Variants in LRP1B observed in about 807,000 individuals in gnomAD.
LRP1B encodes low-density lipoprotein receptor-related protein 1B.
In LRP1B, 217 loss-of-function variants were observed where a neutral mutation model predicts 556.6. The ratio of observed to expected loss-of-function variants is 0.39; its 90% CI spans 0.35 to 0.44. The LOEUF is 0.44. Ranked by LOEUF, LRP1B falls within the 20% of genes least tolerant of loss-of-function variation. LRP1B has a pLI of 1.00. For missense variants in LRP1B, 5,053 were observed against 5,620.8 expected (o/e 0.90, Z 3.23); for synonymous variants, 2,047 against 1,865.8 (o/e 1.10, Z -2.50).
chr2:141,823,465 A>G (rs1368281928), intron 1 of LRP1B, among the ~76,000 whole-genome samples: 1 of 152,138 alleles, frequency 6.6e-6, no homozygotes, highest in Non-Finnish European at 1.5e-5. Context: ...TATACTAACA[A>G]TCAGAAGTAA....
chr2:140,796,689 T>TG (rs1690327594), intron 32 of LRP1B, among the ~76,000 whole-genome samples: 1 of 152,122 alleles, frequency 6.6e-6, no homozygotes, highest in Non-Finnish European at 1.5e-5. Flanking sequence ...GTGACATTGC[T>TG]CAGTGCGCAC....
At chr2:140,748,331 ATATTC>A (rs1369020077) in intron 35 of LRP1B, among the ~76,000 whole-genome samples, 1 of 123,220 alleles carries the variant, frequency 8.1e-6, no homozygotes, top group African/African-American at 3.1e-5. Flanking sequence ...AATATATATT[ATATTC>A]ATATATTATA....
chr2:141,294,295 T>C (rs1324384518), intron 3 of LRP1B, among the ~76,000 whole-genome samples: 1 of 152,188 alleles, frequency 6.6e-6, no homozygotes, highest in East Asian at 1.9e-4. Context: ...AAAAATATAC[T>C]TTGGATTAGT....
At chr2:141,870,323 C>A (rs1215899364) in intron 1 of LRP1B, among the ~76,000 whole-genome samples, 2 of 151,936 alleles carry the variant, frequency 1.3e-5, no homozygotes, top group East Asian at 1.9e-4. Flanking sequence ...GTCTAGCTAC[C>A]AGCCTCAATT....
At chr2:141,464,598 A>ATTTTT (rs199589153) in intron 3 of LRP1B, among the ~76,000 whole-genome samples, 931 of 73,266 alleles carry the variant, frequency 0.013, 25 homozygotes, top group Non-Finnish European at 0.021. Context: ...ATATATATAT[A>ATTTTT]TATATATATT....
At position 142,036,381 on chromosome 2, in the gene LRP1B, G is replaced by A. The variant is rs1176842905; in HGVS notation, c.82+94267C>T. Among the ~76,000 whole-genome samples the A allele has an allele frequency of 2.0e-5, 3 of 151,606 alleles. 1 individual carries two copies. Among genetic ancestry groups the A allele is most frequent in the Admixed American group, 2.0e-4 (3 of 15,166 alleles). ...CCCAATTTTATCAAAAGACATTTTTGAAGAATTATATATCTGTTTTCTCTT... is the reference window on the plus strand; with the variant it reads ...CCCAATTTTATCAAAAGACATTTTTAAAGAATTATATATCTGTTTTCTCTT... On this transcript the variant is annotated intron_variant, in intron 1 of 90. Transcript: ENST00000389484.
intron 66 of LRP1B, among the ~76,000 whole-genome samples, chr2:140,395,521 G>A (rs1396123861): frequency 4.6e-5 from 7 of 152,192 alleles, no homozygotes; most frequent in African/African-American, 1.7e-4. Flanking sequence ...AAGTGGACAG[G>A]TTATGTGGAC....
intron 84 of LRP1B, among the ~76,000 whole-genome samples, chr2:140,276,091 C>T (rs561168112): frequency 6.6e-6 from 1 of 151,934 alleles, no homozygotes; most frequent in East Asian, 1.9e-4. Context: ...TTTCCTTTTA[C>T]CTATTTAATT....
intron 2 of LRP1B, among the ~76,000 whole-genome samples, chr2:141,668,987 T>A (rs1690559208): frequency 6.6e-6 from 1 of 152,136 alleles, no homozygotes; most frequent in Admixed American, 6.5e-5. Flanking sequence ...AATACCCTTG[T>A]GATGGGGGTC....
chr2:141,825,331 A>G (rs566749011), intron 1 of LRP1B, among the ~76,000 whole-genome samples: 45 of 152,332 alleles, frequency 3.0e-4, no homozygotes, highest in African/African-American at 1.0e-3. Flanking sequence ...AGGAGTTTGG[A>G]GTACTAGAGG....
rs1694149443 is a variant in LRP1B, at chr2:140,903,059, A to G, written c.3627T>C (p.Asn1209=). The G allele has an allele frequency of 6.2e-7, 1 of 1,613,542 alleles. No individual in the cohort carries two copies. Among genetic ancestry groups the G allele is most frequent in the Non-Finnish European group, 8.5e-7 (1 of 1,179,752 alleles). Residue 1209 remains asparagine, a synonymous_variant, in exon 23 of 91, where the codon AAT becomes AAC. Coordinates refer to ENST00000389484, the MANE Select transcript of LRP1B (RefSeq NM_018557.3). ...AATAATCCACAATTTCACATGTTTT[A>G]TTGTCTTTGTTGAGTTGAAGTCCTT... The part of the protein sequence containing the change: ...CPEGLQLNKD[N]KTCEIVDYCS...
At chr2:141,630,681 A>G (rs1203985757) in intron 2 of LRP1B, among the ~76,000 whole-genome samples, 2 of 152,198 alleles carry the variant, frequency 1.3e-5, no homozygotes, top group Non-Finnish European at 2.9e-5. Context: ...AGTTTATCAA[A>G]ATGTAATCCC....
At chr2:142,048,995 T>C (rs1202342249) in intron 1 of LRP1B, among the ~76,000 whole-genome samples, 1 of 152,118 alleles carries the variant, frequency 6.6e-6, no homozygotes, top group Non-Finnish European at 1.5e-5. Flanking sequence ...TTTAAATCAA[T>C]AGTTTCTAAA....
Position 141,405,718 on chromosome 2 carries a change from A to G in LRP1B, c.343+74678T>C, listed in dbSNP as rs1690609045. The stretch of plus-strand genomic sequence containing the variant: ...GTATGGGACAGAATATAAGAAGCCT[A>G]AAAGTATAGAATATAAGTATATATC... On this transcript the variant is annotated intron_variant, in intron 3 of 90. Transcript: ENST00000389484. Among the ~76,000 whole-genome samples the G allele has an allele frequency of 2.0e-5, 3 of 152,272 alleles. No individual in the cohort carries two copies. In the South Asian group the frequency reaches 6.2e-4, roughly 32 times the overall value.
intron 32 of LRP1B, among the ~76,000 whole-genome samples, chr2:140,791,421 C>T (rs1450536350): frequency 6.6e-6 from 1 of 151,550 alleles, no homozygotes; most frequent in African/African-American, 2.4e-5. Flanking sequence ...AGAGTGAGAC[C>T]CTGTCTCTAA....
At chr2:141,439,521 T>C (rs1026970434) in intron 3 of LRP1B, among the ~76,000 whole-genome samples, 27 of 152,164 alleles carry the variant, frequency 1.8e-4, no homozygotes, top group Admixed American at 1.1e-3. Context: ...ACTGCAGCTA[T>C]TGCTCTGTAT....
chr2:140,233,427 A>T (rs932181005), intron 90 of LRP1B, 101 bp from the exon 91 acceptor site: 2 of 691,772 alleles, frequency 2.9e-6, no homozygotes, highest in African/African-American at 3.7e-5. Flanking sequence ...CAATATTTAT[A>T]TGCAATACAT....
intron 31 of LRP1B, among the ~76,000 whole-genome samples, chr2:140,828,250 C>T (rs1691577849): frequency 6.6e-6 from 1 of 152,114 alleles, no homozygotes; most frequent in Non-Finnish European, 1.5e-5. Flanking sequence ...AACAAAATGG[C>T]AGTAGTAAGT....
chr2:140,595,100 A>ATATATATC (rs1682383054), intron 43 of LRP1B, among the ~76,000 whole-genome samples: 1 of 33,432 alleles, frequency 3.0e-5, no homozygotes, highest in Non-Finnish European at 5.9e-5. Context: ...ATATATATAT[A>ATATATATC]TATATATATA....
Sources: gnomAD v4.1 joint callset for allele counts (sites outside exome capture counted in the v4.1 genomes callset) on GRCh38, gnomAD v4.1.1 for gene constraint, MANE v1.5 for transcripts, NCBI Gene and HGNC (gene_info 2026-07-23, HGNC 2026-07-21) for gene names.